The following HDAC9 variants were observed in gnomAD, a reference collection of about 807,000 sequenced individuals.
HDAC9 encodes MEF-2 interacting transcription repressor (MITR) protein.
A neutral mutation model predicts 139.4 loss-of-function variants in HDAC9; 41 were observed. That is an observed-to-expected ratio of 0.29 (90% CI 0.23 to 0.38). HDAC9 has a LOEUF of 0.38. Among genes scored for constraint, HDAC9 ranks in the 10% least tolerant of loss-of-function variants. The probability of loss-of-function intolerance (pLI) is 1.00; values close to 1 mark genes in which losing one functional copy is unlikely to be tolerated. For synonymous variants in HDAC9, 517 were observed against 476.2 expected (o/e 1.09, Z -1.12); for missense variants, 1,147 against 1,297.0 (o/e 0.88, Z 1.78).
chr7:18,218,482 A>T (rs959564939), intron 2 of HDAC9, among the ~76,000 whole-genome samples: 1 of 152,126 alleles, frequency 6.6e-6, no homozygotes, highest in Non-Finnish European at 1.5e-5. Context: ...AAAAGAAGTG[A>T]CATACTGTTC....
chr7:18,629,709 A>G (rs550404232), intron 7 of HDAC9, among the ~76,000 whole-genome samples: 1 of 152,278 alleles, frequency 6.6e-6, no homozygotes, highest in African/African-American at 2.4e-5. Flanking sequence ...CAATCAAGGC[A>G]TAACTAGGGA....
At chr7:18,417,018 T>C (rs1213300241) in intron 1 of HDAC9, among the ~76,000 whole-genome samples, 1 of 152,178 alleles carries the variant, frequency 6.6e-6, no homozygotes. Flanking sequence ...TCATTAAATT[T>C]AGATATCCTT....
chr7:18,458,851 G>C (rs1351305069), intron 1 of HDAC9: 3 of 1,534,538 alleles, frequency 2.0e-6, no homozygotes, highest in East Asian at 4.9e-5. Context: ...GACCTCATGT[G>C]GAACCTTGTA....
intron 12 of HDAC9, among the ~76,000 whole-genome samples, chr7:18,725,719 C>A (rs1318291465): frequency 6.6e-6 from 1 of 152,032 alleles, no homozygotes; most frequent in Non-Finnish European, 1.5e-5. Flanking sequence ...TTCCTTTTCC[C>A]GACATAACCC....
chr7:18,930,283 C>G (rs1300071413), intron 22 of HDAC9, among the ~76,000 whole-genome samples: 1 of 152,090 alleles, frequency 6.6e-6, no homozygotes, highest in Non-Finnish European at 1.5e-5. Flanking sequence ...ACACTCAACC[C>G]CGCTTGAGGA....
chr7:18,388,005 A>G (rs1786102604), intron 1 of HDAC9, among the ~76,000 whole-genome samples: 4 of 152,196 alleles, frequency 2.6e-5, no homozygotes, highest in Admixed American at 2.6e-4. Context: ...GATTTCTTGT[A>G]CTTTAAATAA....
intron 25 of HDAC9, 139 bp downstream of exon 25, chr7:18,976,092 A>T: frequency 1.3e-6 from 1 of 767,984 alleles, no homozygotes; most frequent in Non-Finnish European, 2.1e-6. Flanking sequence ...CACAGATGCC[A>T]CAGCACATGC....
At chr7:18,151,455 G>A (rs555828585) in intron 1 of HDAC9, among the ~76,000 whole-genome samples, 1 of 152,220 alleles carries the variant, frequency 6.6e-6, no homozygotes, top group South Asian at 2.1e-4. Context: ...TTTACTGATG[G>A]GATCATTAAG....
intron 12 of HDAC9, among the ~76,000 whole-genome samples, chr7:18,676,587 C>T (rs144202908): frequency 3.3e-4 from 50 of 152,012 alleles, no homozygotes; most frequent in African/African-American, 1.1e-3. Flanking sequence ...AAAACTTAAA[C>T]TTTTTGAATT....
At position 18,996,355 on chromosome 7, in the gene HDAC9, C is replaced by CAAG; in HGVS notation, c.*294_*296dup. 1 of 311,530 alleles carries CAAG rather than the reference C, an allele frequency of 3.2e-6. No homozygotes were observed. Among genetic ancestry groups the CAAG allele is most frequent in the Non-Finnish European group, 6.1e-6 (1 of 163,644 alleles). The allele number at this position is 311,530 out of a possible 1,614,324, so 19.3% of individuals were successfully genotyped here. A position where few individuals can be genotyped will look rare whatever the true frequency, so the allele number is the denominator to read the frequency against. On this transcript the variant is annotated 3_prime_UTR_variant, in exon 26 of 26. Transcript: ENST00000686413. ...TGCTGGGTGACCCACTCCTAGACAC[C>CAAG]AAGTTTGAACTAGAAACATTCAGTA... is the stretch of plus-strand genomic sequence containing the variant.
At chr7:18,524,279 A>G (rs1206455693) in intron 2 of HDAC9, among the ~76,000 whole-genome samples, 1 of 152,182 alleles carries the variant, frequency 6.6e-6, no homozygotes, top group East Asian at 1.9e-4. Flanking sequence ...TAATACTCTA[A>G]GAGAACTCTA....
chr7:18,927,135 T>C (rs1319211463), intron 22 of HDAC9, among the ~76,000 whole-genome samples: 1 of 152,184 alleles, frequency 6.6e-6, no homozygotes, highest in African/African-American at 2.4e-5. Flanking sequence ...AAGGTGATAC[T>C]TTAATGAAAA....
chr7:18,367,429 G>A (rs1468296057), intron 1 of HDAC9, among the ~76,000 whole-genome samples: 3 of 152,092 alleles, frequency 2.0e-5, no homozygotes, highest in African/African-American at 7.2e-5. Flanking sequence ...TAAAGACTCT[G>A]TAGAAACCAA....
intron 1 of HDAC9, among the ~76,000 whole-genome samples, chr7:18,159,986 T>A (rs181275968): frequency 1.4e-3 from 217 of 152,304 alleles, no homozygotes; most frequent in Admixed American, 4.3e-3. Context: ...AAAACCCAAC[T>A]ATTACATGCC....
At chr7:18,142,559 C>T (rs2128110986) in intron 1 of HDAC9, among the ~76,000 whole-genome samples, 1 of 152,326 alleles carries the variant, frequency 6.6e-6, no homozygotes, top group African/African-American at 2.4e-5. Flanking sequence ...GCCTCCCTCA[C>T]CATGCAAGGG....
At chr7:18,138,527 G>T (rs868805288) in intron 1 of HDAC9, among the ~76,000 whole-genome samples, 5 of 142,580 alleles carry the variant, frequency 3.5e-5, no homozygotes, top group Non-Finnish European at 6.1e-5. Flanking sequence ...GAGAGAGAGA[G>T]GTGTGTGTGT....
rs1287188942 is a variant in HDAC9 at position 18,112,553 on chromosome 7, G to T, written c.-97+25340G>T. ...TTTCTTCTTACTTATTAATGCAAAA[G>T]AAAATATTATTAGTGTCAGAACCTA... On this transcript the variant is annotated intron_variant, in intron 1 of 12. Coordinates refer to the HDAC9 transcript ENST00000417496. 7.2e-5 allele frequency among the ~76,000 whole-genome samples: 11 copies of T among 152,254 alleles called. No individual in the cohort carries two copies. In the East Asian group the frequency reaches 2.1e-3, roughly 29 times the overall value.
At position 18,679,780 on chromosome 7, in the gene HDAC9, G is replaced by A. The variant is rs145659714; in HGVS notation, c.1731+13304G>A. Among the ~76,000 whole-genome samples the A allele has an allele frequency of 4.2e-3, 640 of 151,646 alleles. 3 individuals are homozygous for A. Among genetic ancestry groups the A allele is most frequent in the Middle Eastern group, 0.024 (7 of 294 alleles). On this transcript the variant is annotated intron_variant, in intron 12 of 25. Transcript: ENST00000686413. ...ACTATTTATAACATCTAAATACTAG[G>A]TAACGTAAGTGTAATTTTTATTTTA...
rs757365202 is a variant in HDAC9, at chr7:18,435,737, ACTT to A, written c.-41-60521_-41-60519del. Among the ~76,000 whole-genome samples, 470 of 151,746 alleles carry A rather than the reference ACTT, an allele frequency of 3.1e-3. 2 individuals carry two copies. Among genetic ancestry groups the A allele is most frequent in the Non-Finnish European group, 4.7e-3 (322 of 67,874 alleles). On this transcript the variant is annotated intron_variant, in intron 1 of 3. Transcript: ENST00000413509. Reference sequence around the variant, plus strand: ...CATTTGTGCAAGCTCATTCATACAGACTTCTTATTTTCAATCACAAAACAATTG... The same window carrying A: ...CATTTGTGCAAGCTCATTCATACAGACTTATTTTCAATCACAAAACAATTG...
Sources: gnomAD v4.1 joint callset for allele counts (sites outside exome capture counted in the v4.1 genomes callset) on GRCh38, gnomAD v4.1.1 for gene constraint, MANE v1.5 for transcripts, NCBI Gene and HGNC (gene_info 2026-07-23, HGNC 2026-07-21) for gene names.